The following LYZL4 variants were observed in gnomAD, a reference collection of about 807,000 sequenced individuals.
The protein encoded by LYZL4 is lysozyme-like protein 4.
LYZL4 carries 13 observed loss-of-function variants against 17.6 expected under a neutral mutation model. That is an observed-to-expected ratio of 0.74 (90% CI 0.48 to 1.18). LYZL4 has a LOEUF of 1.18. Ranked by LOEUF, LYZL4 falls within the 50% of genes most tolerant of loss-of-function variation. LYZL4 has a pLI of 0.00. For missense variants in LYZL4, 174 were observed against 188.2 expected (o/e 0.92, Z 0.44); for synonymous variants, 64 against 67.7 (o/e 0.95, Z 0.27).
chr3:42,370,283 C>A, the LYZL4 span, among the ~76,000 whole-genome samples: 2 of 147,124 alleles, frequency 1.4e-5, no homozygotes, highest in African/African-American at 5.1e-5. Flanking sequence ...CACACAGACA[C>A]CACCCACCCC....
chr3:42,397,392 G>T, intron 4 of LYZL4, 58 bp from the exon 5 acceptor site: 1 of 1,242,006 alleles, frequency 8.1e-7, no homozygotes. Context: ...GGTCTCCAGG[G>T]CTTCACAGCC....
chr3:42,406,511 C>T (rs904213034), intron 3 of LYZL4, among the ~76,000 whole-genome samples: 3 of 150,434 alleles, frequency 2.0e-5, no homozygotes, highest in South Asian at 2.1e-4. Context: ...GGTGGCCGAG[C>T]GTGGGTGAAA....
At chr3:42,378,327 C>A in the LYZL4 span, among the ~76,000 whole-genome samples, 3,581 of 152,270 alleles carry the variant, frequency 0.024, 153 homozygotes, top group African/African-American at 0.082. Context: ...GTTTAACTCC[C>A]AGTGGCCTCA....
the LYZL4 span, among the ~76,000 whole-genome samples, chr3:42,380,192 C>A: frequency 6.6e-6 from 1 of 152,182 alleles, no homozygotes; most frequent in African/African-American, 2.4e-5. Flanking sequence ...AGTTGTCCAT[C>A]CTGGATTCAT....
At chr3:42,368,211 T>C in the LYZL4 span, among the ~76,000 whole-genome samples, 1 of 152,216 alleles carries the variant, frequency 6.6e-6, no homozygotes, top group East Asian at 1.9e-4. Context: ...AGTAAACTTA[T>C]GGGGTATTTC....
intron 1 of LYZL4, among the ~76,000 whole-genome samples, chr3:42,409,401 T>C (rs535572641): frequency 6.6e-6 from 1 of 152,160 alleles, no homozygotes; most frequent in African/African-American, 2.4e-5. Context: ...ACTTAAATTA[T>C]AATAATTAAA....
chr3:42,403,298 T>C (rs1698690421), intron 4 of LYZL4, among the ~76,000 whole-genome samples: 1 of 152,032 alleles, frequency 6.6e-6, no homozygotes, highest in African/African-American at 2.4e-5. Flanking sequence ...CTCACTCTTT[T>C]GCCCAGGCTG....
At chr3:42,367,346 G>A in the LYZL4 span, among the ~76,000 whole-genome samples, 3 of 152,152 alleles carry the variant, frequency 2.0e-5, no homozygotes, top group Non-Finnish European at 4.4e-5. Context: ...AAATGTTCAA[G>A]TCAACAAATG....
At chr3:42,377,240 G>A in the LYZL4 span, among the ~76,000 whole-genome samples, 833 of 152,198 alleles carry the variant, frequency 5.5e-3, 8 homozygotes, top group Non-Finnish European at 6.7e-3. Flanking sequence ...CCAGGAACTA[G>A]GCTAGTCAAC....
the LYZL4 span, among the ~76,000 whole-genome samples, chr3:42,363,061 G>A: frequency 6.6e-6 from 1 of 152,144 alleles, no homozygotes; most frequent in African/African-American, 2.4e-5. Context: ...AACAAGTCAA[G>A]TGAACTGTGA....
chr3:42,368,268 T>C, the LYZL4 span, among the ~76,000 whole-genome samples: 1 of 152,246 alleles, frequency 6.6e-6, no homozygotes, highest in Non-Finnish European at 1.5e-5. Context: ...ACAGATTAAC[T>C]ACTACTATTA....
rs144979683 is a variant in LYZL4, at chr3:42,406,200, C to T, written c.292+646G>A. ...CAGGAGCGGTGGCTCACGCCTGTAA[C>T]CCTAGCACTTTGGGAGGCCGAGACG... On this transcript the variant is annotated intron_variant, in intron 3 of 4. Transcript: ENST00000287748. Among the ~76,000 whole-genome samples the T allele has an allele frequency of 7.9e-3, 1,202 of 152,096 alleles. 14 individuals are homozygous for T. The highest frequency in any genetic ancestry group is 0.022 in the African/African-American group (933 of 41,510).
At chr3:42,404,154 T>C (rs756024226) in intron 3 of LYZL4, 30 bp from the exon 4 acceptor site, 12 of 1,436,174 alleles carry the variant, frequency 8.4e-6, no homozygotes, top group African/African-American at 7.0e-5. Context: ...GAAGATACCA[T>C]GCTGCCATAT....
At chr3:42,373,223 A>G in the LYZL4 span, among the ~76,000 whole-genome samples, 1 of 150,680 alleles carries the variant, frequency 6.6e-6, no homozygotes, top group African/African-American at 2.4e-5. Context: ...ATAAAAACAA[A>G]AAAAGAGTTA....
At chr3:42,361,238 T>C in the LYZL4 span, among the ~76,000 whole-genome samples, 68 of 152,288 alleles carry the variant, frequency 4.5e-4, 1 homozygote, top group African/African-American at 1.5e-3. Context: ...TACACTATTC[T>C]GCAGCTTGAT....
chr3:42,404,077 T>C lies in LYZL4; in HGVS notation c.340A>G (p.Ile114Val), dbSNP rs577414999. Residue 114 changes from isoleucine (I) to valine (V), a missense_variant, in exon 4 of 5, where the codon ATT becomes GTT. Coordinates refer to ENST00000287748, the MANE Select transcript of LYZL4 (RefSeq NM_144634.4). ...LEKTIKCAKT[I>V]VKGKEGMGAW... ...CCCATCCCTTCTTTTCCTTTTACAA[T>C]GGTCTTGGCACATTTAATTGTCTTC... 6.2e-7 allele frequency: 1 copy of C among 1,613,056 alleles called. No homozygotes were observed. Among genetic ancestry groups the C allele is most frequent in the South Asian group, 1.1e-5 (1 of 91,014 alleles).
intron 4 of LYZL4, among the ~76,000 whole-genome samples, chr3:42,402,136 TAAA>T (rs61260579): frequency 1.5e-4 from 18 of 124,054 alleles, no homozygotes; most frequent in East Asian, 2.3e-4. Flanking sequence ...TTGAGAAGGT[TAAA>T]AAAAAAAAAA....
chr3:42,379,777 C>T, the LYZL4 span, among the ~76,000 whole-genome samples: 1 of 152,174 alleles, frequency 6.6e-6, no homozygotes, highest in Non-Finnish European at 1.5e-5. Flanking sequence ...TCTTTGTGCC[C>T]TCCCAAAACT....
chr3:42,388,134 G>A, the LYZL4 span, among the ~76,000 whole-genome samples: 8 of 152,280 alleles, frequency 5.3e-5, no homozygotes, highest in East Asian at 1.5e-3. Flanking sequence ...GACAGTGGGT[G>A]GCCAGAAGAA....
Sources: gnomAD v4.1 joint callset for allele counts (sites outside exome capture counted in the v4.1 genomes callset) on GRCh38, gnomAD v4.1.1 for gene constraint, MANE v1.5 for transcripts, NCBI Gene and HGNC (gene_info 2026-07-23, HGNC 2026-07-21) for gene names.